The following TCF7L1 variants were observed in gnomAD, a reference collection of about 807,000 sequenced individuals.
TCF7L1 encodes transcription factor 7 like 1.
A neutral mutation model predicts 63.7 loss-of-function variants in TCF7L1; 18 were observed. That is an observed-to-expected ratio of 0.28 (90% CI 0.20 to 0.42). The LOEUF (loss-of-function observed/expected upper bound fraction) is 0.42, where lower values mean the gene tolerates loss of function less well. Ranked by LOEUF, TCF7L1 falls within the 10% of genes least tolerant of loss-of-function variation. The pLI is 1.00. For synonymous variants in TCF7L1, 355 were observed against 340.9 expected, an observed-to-expected ratio of 1.04 and a Z score of -0.46; for missense variants, 654 against 779.3, an observed-to-expected ratio of 0.84 and a Z score of 1.91.
At chr2:85,172,173 C>T (rs1030625) in intron 3 of TCF7L1, among the ~76,000 whole-genome samples, 59,593 of 151,924 alleles carry the variant, frequency 0.39, 12,017 homozygotes, top group South Asian at 0.43. Context: ...CACTCAGCCA[C>T]GTCCAGCTTG....
intron 3 of TCF7L1, among the ~76,000 whole-genome samples, chr2:85,197,388 G>A (rs553203596): frequency 6.6e-5 from 10 of 152,232 alleles, no homozygotes; most frequent in African/African-American, 2.4e-4. Context: ...CAACAAGAGC[G>A]AAACTCTGTC....
chr2:85,142,518 C>G lies in TCF7L1; in HGVS notation c.441+8068C>G, dbSNP rs991054878. ...TATATACACACACACACAACACAGA[C>G]ACAATTTGTGTGTAGCTAGGGGCAG... On this transcript the variant is annotated intron_variant, in intron 3 of 11. Transcript: ENST00000282111. 2.0e-5 allele frequency among the ~76,000 whole-genome samples: 3 copies of G among 150,222 alleles called. No homozygotes were observed. In the East Asian group the frequency reaches 5.8e-4, roughly 29 times the overall value.
intron 3 of TCF7L1, among the ~76,000 whole-genome samples, chr2:85,229,020 C>CAA (rs1182542916): frequency 0.038 from 2,202 of 57,262 alleles, 271 homozygotes; most frequent in African/African-American, 0.1. Flanking sequence ...GACTCTGTCT[C>CAA]AAAAAAAAAA....
intron 3 of TCF7L1, among the ~76,000 whole-genome samples, chr2:85,267,884 C>G (rs1210484219): frequency 6.6e-6 from 1 of 152,178 alleles, no homozygotes; most frequent in Non-Finnish European, 1.5e-5. Context: ...AGACAGTTTC[C>G]TGTCCCTGGC....
At chr2:85,256,021 C>T (rs1268250491) in intron 3 of TCF7L1, among the ~76,000 whole-genome samples, 5 of 152,038 alleles carry the variant, frequency 3.3e-5, no homozygotes, top group African/African-American at 1.2e-4. Flanking sequence ...GTGCAAACAG[C>T]GGGGAGCATT....
chr2:85,258,460 C>T (rs1417228005), intron 3 of TCF7L1, among the ~76,000 whole-genome samples: 1 of 152,246 alleles, frequency 6.6e-6, no homozygotes, highest in East Asian at 1.9e-4. Context: ...GATGGGGGTG[C>T]TGAGATGTCT....
chr2:85,250,170 G>A (rs558021251), intron 3 of TCF7L1, among the ~76,000 whole-genome samples: 1 of 152,248 alleles, frequency 6.6e-6, no homozygotes, highest in South Asian at 2.1e-4. Flanking sequence ...ATTAGTGTTT[G>A]CCAATTTCCA....
intron 3 of TCF7L1, among the ~76,000 whole-genome samples, chr2:85,277,961 G>A (rs1223346685): frequency 2.0e-5 from 3 of 152,296 alleles, no homozygotes; most frequent in East Asian, 1.9e-4. Flanking sequence ...TCTGGGAGCC[G>A]GAGGGTTAAT....
At chr2:85,253,077 G>A (rs966991790) in intron 3 of TCF7L1, among the ~76,000 whole-genome samples, 3 of 152,186 alleles carry the variant, frequency 2.0e-5, no homozygotes, top group African/African-American at 7.2e-5. Flanking sequence ...GAGGTAGGAT[G>A]TGTAAACAGT....
chr2:85,240,047 C>T (rs1462678751), intron 3 of TCF7L1, among the ~76,000 whole-genome samples: 1 of 151,712 alleles, frequency 6.6e-6, no homozygotes, highest in Non-Finnish European at 1.5e-5. Context: ...ACAGTATTAG[C>T]ATTTCAACAT....
At chr2:85,233,528 A>T (rs1256878202) in intron 3 of TCF7L1, among the ~76,000 whole-genome samples, 1 of 151,344 alleles carries the variant, frequency 6.6e-6, no homozygotes, top group Non-Finnish European at 1.5e-5. Flanking sequence ...GTTGGCCAGG[A>T]TGGTCTCGAT....
At chr2:85,259,286 T>C (rs1573013962) in intron 3 of TCF7L1, among the ~76,000 whole-genome samples, 1 of 152,348 alleles carries the variant, frequency 6.6e-6, no homozygotes, top group Admixed American at 6.5e-5. Flanking sequence ...TGTAAACATA[T>C]TCAGATCCTA....
In TCF7L1 at chr2:85,302,384, G is replaced by A. The variant is rs1345436047; in HGVS notation, c.526-100G>A. On this transcript the variant is annotated intron_variant, in intron 4 of 11. Coordinates refer to ENST00000282111, the MANE Select transcript of TCF7L1 (RefSeq NM_031283.3). Reference sequence around the variant, plus strand: ...TGTTTTGAGGACTGAATGGGATGTTGCCTGGAAAATACCTGGCACTTACTT... The same window carrying A: ...TGTTTTGAGGACTGAATGGGATGTTACCTGGAAAATACCTGGCACTTACTT... 6 of 1,534,822 alleles carry A rather than the reference G, an allele frequency of 3.9e-6. No homozygotes were observed. The South Asian group carries it at 5.6e-5, about 14-fold the overall frequency.
intron 3 of TCF7L1, among the ~76,000 whole-genome samples, chr2:85,242,986 G>A (rs557968842): frequency 1.3e-4 from 20 of 152,104 alleles, no homozygotes; most frequent in African/African-American, 3.4e-4. Flanking sequence ...AGATCTCGAC[G>A]CACCGACATC....
At chr2:85,191,302 T>A (rs778581498) in intron 3 of TCF7L1, among the ~76,000 whole-genome samples, 19 of 152,138 alleles carry the variant, frequency 1.2e-4, no homozygotes, top group Non-Finnish European at 2.4e-4. Context: ...TAGAACCACT[T>A]AACATGACAT....
chr2:85,294,088 G>A (rs1270662225), intron 4 of TCF7L1, among the ~76,000 whole-genome samples: 3 of 128,584 alleles, frequency 2.3e-5, no homozygotes, highest in Non-Finnish European at 4.6e-5. Context: ...CCAGGCTGGA[G>A]TGCAGTGGCA....
At chr2:85,153,340 A>ATATTTTTTTTTTTTTTTTTTT (rs750002994) in intron 3 of TCF7L1, among the ~76,000 whole-genome samples, 2 of 102,308 alleles carry the variant, frequency 2.0e-5, no homozygotes, top group African/African-American at 8.4e-5. Flanking sequence ...GCCTTTATAA[A>ATATTTTTTTTTTTTTTTTTTT]TTTTTTTTTT....
chr2:85,299,911 C>CACACACACACACA (rs1553408462), intron 4 of TCF7L1, among the ~76,000 whole-genome samples: 1 of 53,830 alleles, frequency 1.9e-5, no homozygotes, highest in Admixed American at 1.8e-4. Context: ...ACACTGATGC[C>CACACACACACACA]CAGAAAGGCT....
At chr2:85,305,222 A>T in intron 7 of TCF7L1, 38 bp from the exon 8 acceptor site, 1 of 1,614,056 alleles carries the variant, frequency 6.2e-7, no homozygotes, top group Non-Finnish European at 8.5e-7. Flanking sequence ...ATCCAGCCTG[A>T]ACCCCTCTGT....
Sources: gnomAD v4.1 joint callset for allele counts (sites outside exome capture counted in the v4.1 genomes callset) on GRCh38, gnomAD v4.1.1 for gene constraint, MANE v1.5 for transcripts, NCBI Gene and HGNC (gene_info 2026-07-23, HGNC 2026-07-21) for gene names.